The following SIX4 variants were observed in gnomAD, a reference collection of about 807,000 sequenced individuals.
The protein encoded by SIX4 is SIX homeobox 4.
SIX4 carries 23 observed loss-of-function variants against 51.5 expected under a neutral mutation model. That is an observed-to-expected ratio of 0.45 (90% confidence interval 0.32 to 0.63). The LOEUF (loss-of-function observed/expected upper bound fraction) is 0.63. SIX4 is among the 30% of genes least tolerant of loss of function. The pLI, the probability that SIX4 is intolerant of heterozygous loss-of-function variation, is 0.04. For synonymous variants in SIX4, 413 were observed against 417.3 expected, an observed-to-expected ratio of 0.99 and a Z score of 0.13; for missense variants, 867 against 984.0, an observed-to-expected ratio of 0.88 and a Z score of 1.59.
chr14:60,714,661 C>T (rs896280381), intron 2 of SIX4, among the ~76,000 whole-genome samples: 6 of 150,912 alleles, frequency 4.0e-5, no homozygotes, highest in African/African-American at 1.5e-4. Context: ...GGTTCTGTTG[C>T]TTATTATTTC....
At position 60,713,540 on chromosome 14, in the gene SIX4, A is replaced by G. The variant is rs1895860550; in HGVS notation, c.2213T>C (p.Met738Thr). Residue 738 changes from methionine to threonine, a missense_variant, in exon 3 of 3, where the codon ATG (methionine) becomes ACG (threonine). Transcript: ENST00000216513. ...ATACTTGGATTTAGAGTCCAGCATC[A>G]TTAAGCTACTTGTTGCTTTGCTCTC... ...NSESKATSSL[M>T]MLDSKSKYVL... 2.5e-6 allele frequency: 4 copies of G among 1,614,106 alleles called. No individual in the cohort carries two copies. In the East Asian group the frequency reaches 6.7e-5, roughly 27 times the overall value.
At chr14:60,715,023 GTTA>G (rs1277751059) in intron 2 of SIX4, among the ~76,000 whole-genome samples, 2 of 148,836 alleles carry the variant, frequency 1.3e-5, no homozygotes, top group Admixed American at 1.4e-4. Context: ...GCGCATGTTT[GTTA>G]CACGGGTATA....
chr14:60,711,254 A>C lies in SIX4; in HGVS notation c.*2153T>G, dbSNP rs1895815431. 2 of 152,452 alleles carry C rather than the reference A, an allele frequency of 1.3e-5. No homozygotes were observed. The highest frequency in any genetic ancestry group is 4.8e-5 in the African/African-American group (2 of 41,428). 9.4% of individuals were successfully genotyped at this position (152,452 alleles called of 1,614,324 possible). A position where few individuals can be genotyped will look rare whatever the true frequency, so the allele number is the denominator to read the frequency against. On this transcript the variant is annotated 3_prime_UTR_variant, in exon 3 of 3. Coordinates refer to ENST00000216513, the MANE Select transcript of SIX4 (RefSeq NM_017420.5). ...GAACTCTCAAACACCTGACTTTGTAAAACAAAACAAAAAACATGTAGCTTC... is the reference window on the plus strand; with the variant it reads ...GAACTCTCAAACACCTGACTTTGTACAACAAAACAAAAAACATGTAGCTTC...
chr14:60,723,095 A>T (rs1896058828), intron 1 of SIX4, 117 bp downstream of exon 1: 5 of 1,409,288 alleles, frequency 3.5e-6, no homozygotes, highest in Middle Eastern at 2.6e-4. Context: ...AGAGGTGGGC[A>T]GCCGGACCAG....
At chr14:60,723,019 TTCCCCCGCCCCCCGCC>T (rs1896055471) in intron 1 of SIX4, 177 bp downstream of exon 1, 2 of 1,286,024 alleles carry the variant, frequency 1.6e-6, no homozygotes, top group Non-Finnish European at 2.0e-6. Flanking sequence ...AGGAGGGAGG[TTCCCCCGCCCCCCGCC>T]TCCGCCGCCC....
In SIX4 at chr14:60,720,057, C is replaced by T. The variant is rs1268108196; in HGVS notation, c.1252G>A (p.Val418Met). ...CTCTGGAGGACTTTGAATTCCTTCA[C>T]GTCCTGGGAAGTAGACCCCAGTATG... is the stretch of plus-strand genomic sequence containing the variant. ...TDILGSTSQDVKEFKVLQSSA... is the reference protein window; with the variant it reads ...TDILGSTSQDMKEFKVLQSSA... The change falls in exon 2 of 3, where the codon GTG becomes ATG. Residue 418 changes from valine to methionine, a missense_variant. By Grantham distance (21) the Val-to-Met change is conservative. Coordinates refer to ENST00000216513, the MANE Select transcript of SIX4 (RefSeq NM_017420.5). This position sits in a 1 kb window ranked among gnomAD's most constrained non-coding sequence, Gnocchi z 5.5. 4 of 1,614,070 alleles carry T rather than the reference C, an allele frequency of 2.5e-6. No homozygotes were observed. The highest frequency in any genetic ancestry group is 2.2e-5 in the East Asian group (1 of 44,900).
chr14:60,715,803 G>A (rs1895911148), intron 2 of SIX4, among the ~76,000 whole-genome samples: 1 of 152,034 alleles, frequency 6.6e-6, no homozygotes, highest in African/African-American at 2.4e-5. Flanking sequence ...GTCACTGAAG[G>A]AAAGGTAGAT....
At position 60,723,454 on chromosome 14, in the gene SIX4, C is replaced by T. The variant is rs1461795565; in HGVS notation, c.621G>A (p.Lys207=). The T allele has an allele frequency of 3.7e-6, 6 of 1,609,314 alleles. No homozygotes were observed. The highest frequency in any genetic ancestry group is 5.1e-6 in the Non-Finnish European group (6 of 1,179,872). ...GGGGGAATTTCCTGCGCAGCCGGTA[C>T]TTGTCTACGGCTCCCAGCGGCCGGC... ...ARGRPLGAVD[K]YRLRRKFPLP... is the part of the protein sequence containing the mutation. The change falls in exon 1 of 3, where the codon AAG becomes AAA. Residue 207 remains lysine, a synonymous_variant. Coordinates refer to ENST00000216513, the MANE Select transcript of SIX4 (RefSeq NM_017420.5).
chr14:60,717,362 T>C lies in SIX4; in HGVS notation c.1549+2398A>G, dbSNP rs887582165. Among the ~76,000 whole-genome samples, 1 of 152,210 alleles carries C rather than the reference T, an allele frequency of 6.6e-6. No individual in the cohort carries two copies. Among genetic ancestry groups the C allele is most frequent in the Non-Finnish European group, 1.5e-5 (1 of 68,038 alleles). The stretch of plus-strand genomic sequence containing the variant: ...GCTGGGATTAACAGGCGTAAGCCAC[T>C]GTGCCCGGCGTCTTTAAAATTCTTG... On this transcript the variant is annotated intron_variant, in intron 2 of 2. Transcript: ENST00000216513. This position sits in a 1 kb window ranked among gnomAD's most constrained non-coding sequence, Gnocchi z 4.6.
In SIX4 at chr14:60,719,830, G is replaced by A. The variant is rs746131274; in HGVS notation, c.1479C>T (p.Ser493=). The A allele has an allele frequency of 1.2e-6, 2 of 1,614,226 alleles. No individual in the cohort carries two copies. Among genetic ancestry groups the A allele is most frequent in the Admixed American group, 1.7e-5 (1 of 60,026 alleles). The change falls in exon 2 of 3, where the codon AGC becomes AGT. Residue 493 remains serine (S), a synonymous_variant. Transcript: ENST00000216513. The surrounding 1 kb of genome is among the most constrained non-coding windows in gnomAD (Gnocchi z 4.9). ...ATCCAATGCTCCCATTAAGGAACTG[G>A]CTGTTTGCTCCGGAATTGGGGATCT... is the stretch of plus-strand genomic sequence containing the variant. ...IVQIPNSGAN[S]QFLNGSIGFS...
chr14:60,714,225 T>C, intron 2 of SIX4, 22 bp from the exon 3 acceptor site: 2 of 1,537,744 alleles, frequency 1.3e-6, no homozygotes, highest in Admixed American at 2.1e-5. Context: ...AAAGTACTGA[T>C]TATCACTGAT....
chr14:60,722,906 G>C lies in SIX4; in HGVS notation c.863+306C>G. On this transcript the variant is annotated intron_variant, in intron 1 of 2. Coordinates refer to ENST00000216513, the MANE Select transcript of SIX4 (RefSeq NM_017420.5). This position sits in a 1 kb window ranked among gnomAD's most constrained non-coding sequence, Gnocchi z 5.9. ...GAGGGTGGCAACTTCAAAGCCAGCGGGATGGGGGTGGGAAGCTGGGCAGCA... is the reference window on the plus strand; with the variant it reads ...GAGGGTGGCAACTTCAAAGCCAGCGCGATGGGGGTGGGAAGCTGGGCAGCA... 1 of 385,922 alleles carries C rather than the reference G, an allele frequency of 2.6e-6. No homozygotes were observed. The highest frequency in any genetic ancestry group is 2.1e-5 in the African/African-American group (1 of 47,560). 23.9% of individuals were successfully genotyped at this position (385,922 alleles called of 1,614,324 possible). A position where few individuals can be genotyped will look rare whatever the true frequency, so the allele number is the denominator to read the frequency against.
At chr14:60,716,261 A>T (rs144723873) in intron 2 of SIX4, among the ~76,000 whole-genome samples, 4,756 of 147,824 alleles carry the variant, frequency 0.032, 191 homozygotes, top group African/African-American at 0.1. Context: ...TAAAAAAAAA[A>T]TTTTTTTTTG....
rs1895989196 is a variant in SIX4 at position 60,719,894 on chromosome 14, A to T, written c.1415T>A (p.Phe472Tyr). ...CTGGTTAATTTGCACTGGTGTAGTA[A>T]AAGTCACTACAGACCCTCCATCTTG... ...ASQDGGSVVTFTTPVQINQYG... is the reference protein window; with the variant it reads ...ASQDGGSVVTYTTPVQINQYG... The change falls in exon 2 of 3, where the codon TTT (phenylalanine) becomes TAT (tyrosine). Residue 472 changes from phenylalanine to tyrosine, a missense_variant. Coordinates refer to ENST00000216513, the MANE Select transcript of SIX4 (RefSeq NM_017420.5). This position sits in a 1 kb window ranked among gnomAD's most constrained non-coding sequence, Gnocchi z 4.9. 2 of 1,614,190 alleles carry T rather than the reference A, an allele frequency of 1.2e-6. No homozygotes were observed. Among genetic ancestry groups the T allele is most frequent in the Non-Finnish European group, 1.7e-6 (2 of 1,180,028 alleles).
chr14:60,720,560 G>A lies in SIX4; in HGVS notation c.864-115C>T. On this transcript the variant is annotated intron_variant, in intron 1 of 2. Transcript: ENST00000216513. The surrounding 1 kb of genome is among the most constrained non-coding windows in gnomAD (Gnocchi z 5.5). ...CCATTAAAGGCAGTATTTAAGGAAA[G>A]CACAGCAGGATATCTGCTAGTCCTA... is the stretch of plus-strand genomic sequence containing the variant. The A allele has an allele frequency of 4.0e-6, 4 of 1,012,330 alleles. No individual in the cohort carries two copies. Among genetic ancestry groups the A allele is most frequent in the South Asian group, 3.3e-5 (2 of 60,494 alleles). The allele number at this position is 1,012,330 out of a possible 1,614,324, so 62.7% of individuals were successfully genotyped here.
chr14:60,724,242 G>A lies in SIX4; in HGVS notation c.-168C>T, dbSNP rs1896097540. On this transcript the variant is annotated 5_prime_UTR_variant, in exon 1 of 3. Transcript: ENST00000216513. ...TATCTGGCCGATCAGGTTTCCCCCC[G>A]GCCACGCAGTCACCATTAAGATAGC... The A allele has an allele frequency of 2.0e-6, 3 of 1,538,076 alleles. No homozygotes were observed. The highest frequency in any genetic ancestry group is 2.6e-6 in the Non-Finnish European group (3 of 1,148,512).
chr14:60,721,288 G>C (rs1896014068), intron 1 of SIX4: 1 of 393,878 alleles, frequency 2.5e-6, no homozygotes, highest in African/African-American at 2.2e-5. Context: ...CGGGGTTGGG[G>C]GGTGGGTAGT....
Position 60,724,002 on chromosome 14 carries a change from C to T in SIX4, c.73G>A (p.Ala25Thr). The T allele has an allele frequency of 6.6e-7, 1 of 1,518,294 alleles. No individual in the cohort carries two copies. The highest frequency in any genetic ancestry group is 8.8e-7 in the Non-Finnish European group (1 of 1,135,746). 94.1% of individuals were successfully genotyped at this position (1,518,294 alleles called of 1,614,324 possible). The change falls in exon 1 of 3, where the codon GCC (alanine) becomes ACC (threonine). Residue 25 changes from alanine to threonine, a missense_variant. Physicochemically the swap from Ala to Thr is moderately conservative, Grantham distance 58 (BLOSUM62 0). Coordinates refer to ENST00000216513, the MANE Select transcript of SIX4 (RefSeq NM_017420.5). ...DIKQENGMESASEGQEAHREV... is the reference protein window; with the variant it reads ...DIKQENGMESTSEGQEAHREV... ...CGGTGCGCCTCCTGCCCTTCCGAGG[C>T]GCTTTCCATCCCATTCTCTTGCTTG...
rs1039492681 is a variant in SIX4, at chr14:60,721,897, G to A, written c.863+1315C>T. On this transcript the variant is annotated intron_variant, in intron 1 of 2. Coordinates refer to ENST00000216513, the MANE Select transcript of SIX4 (RefSeq NM_017420.5). Reference sequence around the variant, plus strand: ...CTGCGGAAGGCGCACGCACATCCCGGTGCACCTTTTGTTTTGGTTACCGCG... The same window carrying A: ...CTGCGGAAGGCGCACGCACATCCCGATGCACCTTTTGTTTTGGTTACCGCG... Among the ~76,000 whole-genome samples the A allele has an allele frequency of 5.9e-5, 9 of 152,230 alleles. No homozygotes were observed. The East Asian group carries it at 1.4e-3, about 23-fold the overall frequency.
Sources: allele counts gnomAD v4.1 joint callset (sites outside exome capture counted in the v4.1 genomes callset), GRCh38; gene constraint gnomAD v4.1.1; non-coding constraint Gnocchi (gnomAD v3.1); transcripts MANE v1.5; gene names NCBI Gene and HGNC (gene_info 2026-07-23, HGNC 2026-07-21).